Variants in CYP4Z1 observed in about 807,000 individuals in gnomAD.
The protein encoded by CYP4Z1 is cytochrome P450 family 4 subfamily Z member 1.
Under a neutral mutation model 54.2 loss-of-function variants are expected in CYP4Z1, and 41 were observed. The observed-to-expected ratio is 0.76, with a 90% CI of 0.59 to 0.98. CYP4Z1 has a LOEUF of 0.98. CYP4Z1 is among the 50% of genes least tolerant of loss of function. CYP4Z1 has a pLI of 0.00. For synonymous variants in CYP4Z1, 163 were observed against 206.2 expected, an observed-to-expected ratio of 0.79 and a Z score of 1.79; for missense variants, 513 against 599.0, an observed-to-expected ratio of 0.86 and a Z score of 1.50.
At position 47,085,517 on chromosome 1, in the gene CYP4Z1, A is replaced by G. The variant is rs1390563240; in HGVS notation, c.772+539A>G. 2.0e-5 allele frequency among the ~76,000 whole-genome samples: 3 copies of G among 152,156 alleles called. No homozygotes were observed. In the East Asian group the frequency reaches 5.8e-4, roughly 29 times the overall value. On this transcript the variant is annotated intron_variant, in intron 6 of 11. Coordinates refer to ENST00000334194, the MANE Select transcript of CYP4Z1 (RefSeq NM_178134.3). ...TGATTTATCATTTTATCTTGATAAAATTGGCCTCTTTTTCTCTAATAATGC... is the reference window on the plus strand; with the variant it reads ...TGATTTATCATTTTATCTTGATAAAGTTGGCCTCTTTTTCTCTAATAATGC...
chr1:47,089,057 T>C (rs1292544655), intron 6 of CYP4Z1, among the ~76,000 whole-genome samples: 1 of 149,964 alleles, frequency 6.7e-6, no homozygotes, highest in African/African-American at 2.5e-5. Context: ...ACATGCCGTG[T>C]AACTATTTGT....
intron 9 of CYP4Z1, among the ~76,000 whole-genome samples, chr1:47,108,614 C>T (rs1385139584): frequency 1.3e-5 from 2 of 152,204 alleles, no homozygotes; most frequent in Non-Finnish European, 2.9e-5. Context: ...TGGTCCCATT[C>T]ACTCTTGGCA....
chr1:47,056,578 G>A, the CYP4Z1 span, among the ~76,000 whole-genome samples: 1 of 152,090 alleles, frequency 6.6e-6, no homozygotes, highest in Admixed American at 6.5e-5. Context: ...GGTCACTAAG[G>A]ACTTGCTTTA....
At chr1:47,084,002 T>C (rs1569715768) in intron 4 of CYP4Z1, among the ~76,000 whole-genome samples, 1 of 152,218 alleles carries the variant, frequency 6.6e-6, no homozygotes, top group South Asian at 2.1e-4. Context: ...TAAATATTTA[T>C]ATTGAAATGG....
At chr1:47,077,538 T>C (rs1644534273) in intron 2 of CYP4Z1, among the ~76,000 whole-genome samples, 3 of 152,146 alleles carry the variant, frequency 2.0e-5, no homozygotes, top group South Asian at 2.1e-4. Flanking sequence ...GCCTTTTAAT[T>C]GAAGTTTAAT....
At chr1:47,078,398 T>C (rs1383939164) in intron 2 of CYP4Z1, among the ~76,000 whole-genome samples, 2 of 151,518 alleles carry the variant, frequency 1.3e-5, no homozygotes, top group African/African-American at 2.4e-5. Context: ...AACTTATATG[T>C]CTTTGTTAAT....
At chr1:47,059,131 A>T in the CYP4Z1 span, among the ~76,000 whole-genome samples, 5 of 152,162 alleles carry the variant, frequency 3.3e-5, no homozygotes, top group Non-Finnish European at 7.4e-5. Context: ...ATTGCCTGAG[A>T]TTCATAAGAA....
intron 9 of CYP4Z1, among the ~76,000 whole-genome samples, chr1:47,113,315 TGCCTCGCCTGG>T (rs1186278427): frequency 6.6e-6 from 1 of 152,238 alleles, no homozygotes; most frequent in Non-Finnish European, 1.5e-5. Flanking sequence ...CAGCTCAGCA[TGCCTCGCCTGG>T]GCCTTTTCTC....
upstream of CYP4Z1, among the ~76,000 whole-genome samples, chr1:47,064,603 A>G (rs1003537482): frequency 6.6e-6 from 1 of 152,136 alleles, no homozygotes; most frequent in African/African-American, 2.4e-5. Context: ...TTAAAGCATA[A>G]ATCTCACAGG....
intron 8 of CYP4Z1, among the ~76,000 whole-genome samples, chr1:47,101,010 T>C (rs986903192): frequency 6.6e-5 from 10 of 152,212 alleles, no homozygotes; most frequent in African/African-American, 2.2e-4. Context: ...CAGGAATTTA[T>C]CCATTTCTTC....
intron 1 of CYP4Z1, 61 bp from the exon 2 acceptor site, chr1:47,068,561 G>C: frequency 1.3e-6 from 2 of 1,592,178 alleles, no homozygotes; most frequent in South Asian, 1.2e-5. Flanking sequence ...TCCATCCGAG[G>C]GAAAGGGGTC....
intron 9 of CYP4Z1, among the ~76,000 whole-genome samples, chr1:47,111,946 GC>G (rs1377551785): frequency 2.0e-5 from 3 of 152,156 alleles, no homozygotes; most frequent in African/African-American, 7.2e-5. Flanking sequence ...TTAATGGTTT[GC>G]CACTAAAGCA....
intron 6 of CYP4Z1, among the ~76,000 whole-genome samples, chr1:47,093,930 C>CCAAA (rs1644657774): frequency 6.6e-6 from 1 of 152,152 alleles, no homozygotes; most frequent in African/African-American, 2.4e-5. Context: ...TCAGGGTTTT[C>CCAAA]CAGGCATAGA....
At chr1:47,063,517 C>A (rs1051665788), upstream of CYP4Z1, among the ~76,000 whole-genome samples, 5 of 151,914 alleles carry the variant, frequency 3.3e-5, no homozygotes, top group African/African-American at 9.7e-5. Context: ...AAGGAAAATT[C>A]TTCAGTGAAA....
chr1:47,094,728 G>T lies in CYP4Z1; in HGVS notation c.876+59G>T, dbSNP rs573669940. ...CAATAATTAAATAATAAAGAAATAG[G>T]CCGGGCACAGTGACTAGCACCTGTA... is the stretch of plus-strand genomic sequence containing the variant. On this transcript the variant is annotated intron_variant, in intron 7 of 11. Transcript: ENST00000334194. 20 of 1,314,810 alleles carry T rather than the reference G, an allele frequency of 1.5e-5. No individual in the cohort carries two copies. In the East Asian group the frequency reaches 4.6e-4, roughly 30 times the overall value. 81.4% of individuals were successfully genotyped at this position (1,314,810 alleles called of 1,614,324 possible).
intron 9 of CYP4Z1, among the ~76,000 whole-genome samples, chr1:47,108,320 T>C (rs546594211): frequency 6.6e-6 from 1 of 152,200 alleles, no homozygotes; most frequent in South Asian, 2.1e-4. Context: ...TCAACTTCCT[T>C]GAATATTTTC....
chr1:47,101,249 A>G (rs955361417), intron 8 of CYP4Z1, among the ~76,000 whole-genome samples: 6 of 151,968 alleles, frequency 3.9e-5, no homozygotes, highest in African/African-American at 1.4e-4. Context: ...TGTTTCATTT[A>G]GTTCTGCTCT....
chr1:47,063,100 C>T (rs938358531), upstream of CYP4Z1, among the ~76,000 whole-genome samples: 1 of 152,118 alleles, frequency 6.6e-6, no homozygotes, highest in Non-Finnish European at 1.5e-5. Flanking sequence ...CCTAGAGCCT[C>T]GTAGCTCTGC....
At chr1:47,065,644 A>T (rs944529413), upstream of CYP4Z1, among the ~76,000 whole-genome samples, 2 of 152,056 alleles carry the variant, frequency 1.3e-5, no homozygotes, top group African/African-American at 4.8e-5. Context: ...AACAATCAAA[A>T]CTCAAACCCA....
Sources: allele counts gnomAD v4.1 joint callset (sites outside exome capture counted in the v4.1 genomes callset), GRCh38; gene constraint gnomAD v4.1.1; transcripts MANE v1.5; gene names NCBI Gene and HGNC (gene_info 2026-07-23, HGNC 2026-07-21).